The following TRIM37 variants were observed in gnomAD, a reference collection of about 807,000 sequenced individuals.
TRIM37 encodes E3 ubiquitin-protein ligase TRIM37.
TRIM37 carries 80 observed loss-of-function variants against 129.8 expected under a neutral mutation model. That is an observed-to-expected ratio of 0.62 (90% CI 0.51 to 0.74). The LOEUF (loss-of-function observed/expected upper bound fraction) is 0.74, where lower values mean the gene tolerates loss of function less well. Among genes scored for constraint, TRIM37 ranks in the 30% least tolerant of loss-of-function variants. The probability of loss-of-function intolerance (pLI) is 0.00; values close to 1 mark genes in which losing one functional copy is unlikely to be tolerated. For synonymous variants in TRIM37, 389 were observed against 387.1 expected, an observed-to-expected ratio of 1.00 and a Z score of -0.06; for missense variants, 1,054 against 1,176.5, an observed-to-expected ratio of 0.90 and a Z score of 1.52.
chr17:59,058,110 C>T (rs1362907841), intron 12 of TRIM37, among the ~76,000 whole-genome samples: 1 of 151,982 alleles, frequency 6.6e-6, no homozygotes, highest in African/African-American at 2.4e-5. Context: ...CTGTATTTTG[C>T]CAGTACAAGT....
At position 59,056,647 on chromosome 17, in the gene TRIM37, G is replaced by A. The variant is rs112491950; in HGVS notation, c.1199+228C>T. On this transcript the variant is annotated intron_variant, in intron 13 of 23. Coordinates refer to ENST00000262294, the MANE Select transcript of TRIM37 (RefSeq NM_015294.6). The stretch of plus-strand genomic sequence containing the variant: ...CGGGAGGCTGAGGCAGGAGAATGGC[G>A]TGAACCCGGGAGGCGGAGCTTGTAG... Among the ~76,000 whole-genome samples the A allele has an allele frequency of 7.9e-5, 11 of 139,522 alleles. No homozygotes were observed. The South Asian group carries it at 1.2e-3, about 15-fold the overall frequency. 91.5% of individuals were successfully genotyped at this position (139,522 alleles called of 152,430 possible). A position where few individuals can be genotyped will look rare whatever the true frequency, so the allele number is the denominator to read the frequency against.
At chr17:59,095,599 T>C (rs1459014359) in intron 2 of TRIM37, among the ~76,000 whole-genome samples, 1 of 152,220 alleles carries the variant, frequency 6.6e-6, no homozygotes, top group Non-Finnish European at 1.5e-5. Context: ...GCAAGGAAAC[T>C]AGGAGGCCGA....
At chr17:59,032,117 T>C (rs1267110886) in intron 17 of TRIM37, 27 bp from the exon 18 acceptor site, 9 of 1,606,908 alleles carry the variant, frequency 5.6e-6, no homozygotes, top group South Asian at 1.1e-5. Flanking sequence ...GAAAATGATA[T>C]ATATATGCAC....
At chr17:59,081,964 A>AAAATAATAATAAT (rs1568200247) in intron 5 of TRIM37, among the ~76,000 whole-genome samples, 14 of 87,188 alleles carry the variant, frequency 1.6e-4, no homozygotes, top group African/African-American at 6.1e-4. Context: ...AAAAAAAAAA[A>AAAATAATAATAAT]AATAATAATA....
intron 19 of TRIM37, among the ~76,000 whole-genome samples, chr17:59,026,961 C>T (rs1598981003): frequency 6.6e-6 from 1 of 152,262 alleles, no homozygotes; most frequent in East Asian, 1.9e-4. Flanking sequence ...CCTTTGCTGG[C>T]CTCTCCTATT....
chr17:59,057,191 AT>A, intron 12 of TRIM37, 137 bp from the exon 13 acceptor site: 1 of 761,746 alleles, frequency 1.3e-6, no homozygotes, highest in Non-Finnish European at 2.1e-6. Context: ...TTCTTTTATC[AT>A]TTATAAAAAC....
chr17:59,031,501 A>C (rs2037839354), intron 18 of TRIM37, among the ~76,000 whole-genome samples: 1 of 152,274 alleles, frequency 6.6e-6, no homozygotes, highest in South Asian at 2.1e-4. Context: ...TTTTTAAGCT[A>C]CTGAACATCA....
At chr17:59,072,726 C>T (rs958015182) in intron 8 of TRIM37, among the ~76,000 whole-genome samples, 1 of 147,354 alleles carries the variant, frequency 6.8e-6, no homozygotes, top group Non-Finnish European at 1.5e-5. Flanking sequence ...CCAGCGTGGG[C>T]GACAAGGCAA....
intron 5 of TRIM37, among the ~76,000 whole-genome samples, chr17:59,083,375 T>C (rs1599440069): frequency 6.6e-6 from 1 of 150,640 alleles, no homozygotes; most frequent in South Asian, 2.1e-4. Context: ...GAGGCGGAGG[T>C]TGCAGTGAGC....
At position 59,081,235 on chromosome 17, in the gene TRIM37, T is replaced by C. The variant is rs780376867; in HGVS notation, c.370-16A>G. On this transcript the variant is annotated splice_polypyrimidine_tract_variant and intron_variant, in intron 5 of 23. Transcript: ENST00000262294. ...GTCCGCCATGCTATTTAAATTAGAG[T>C]AGCTTTAGAACACTTTCACATATCT... The C allele has an allele frequency of 6.2e-7, 1 of 1,610,862 alleles. No individual in the cohort carries two copies. The highest frequency in any genetic ancestry group is 2.2e-5 in the East Asian group (1 of 44,660).
Position 59,057,058 on chromosome 17 carries a change from A to T in TRIM37, c.1020-4T>A. 1.2e-6 allele frequency: 2 copies of T among 1,613,346 alleles called. No individual in the cohort carries two copies. The highest frequency in any genetic ancestry group is 1.7e-6 in the Non-Finnish European group (2 of 1,179,544). On this transcript the variant is annotated splice_region_variant and splice_polypyrimidine_tract_variant and intron_variant, in intron 12 of 23. Transcript: ENST00000262294. ...CATCTCTACACGATATTCATATCTA[A>T]AATTGAAAAACAGACCATTACTATA...
chr17:59,022,090 T>C lies in TRIM37; in HGVS notation c.2258-4666A>G, dbSNP rs183307140. ...ATATAGTTAAAATAATTTTATAGCA[T>C]AGAAAAGGACAAAAACATCTGAATT... On this transcript the variant is annotated intron_variant, in intron 19 of 23. Transcript: ENST00000262294. Among the ~76,000 whole-genome samples the C allele has an allele frequency of 3.3e-3, 500 of 152,164 alleles. 3 individuals are homozygous for C. The highest frequency in any genetic ancestry group is 5.3e-3 in the Non-Finnish European group (357 of 67,976).
intron 24 of TRIM37, among the ~76,000 whole-genome samples, chr17:58,988,687 C>CAG (rs751696422): frequency 5.3e-5 from 8 of 152,152 alleles, no homozygotes; most frequent in South Asian, 2.1e-4. Flanking sequence ...GCAACGGAAG[C>CAG]AGAGAGAGAG....
intron 24 of TRIM37, among the ~76,000 whole-genome samples, chr17:58,990,281 A>G (rs1049874319): frequency 1.2e-4 from 18 of 150,140 alleles, no homozygotes. Context: ...ACTTGAGGCC[A>G]GGAGCTTGAA....
chr17:59,012,317 T>A lies in TRIM37; in HGVS notation c.2695+11A>T, dbSNP rs1215977068. On this transcript the variant is annotated intron_variant, in intron 22 of 23. Coordinates refer to ENST00000262294, the MANE Select transcript of TRIM37 (RefSeq NM_015294.6). The stretch of plus-strand genomic sequence containing the variant: ...CATTTCCTGCTTACTTATAAGTTTA[T>A]CATTCCTTACCTTCTTCAGGGGCAG... 6.4e-7 allele frequency: 1 copy of A among 1,573,038 alleles called. No homozygotes were observed. The highest frequency in any genetic ancestry group is 1.7e-5 in the Admixed American group (1 of 59,822).
chr17:59,029,258 TC>T (rs1191321981), intron 18 of TRIM37, among the ~76,000 whole-genome samples: 2 of 152,134 alleles, frequency 1.3e-5, no homozygotes, highest in African/African-American at 4.8e-5. Context: ...TGACACCCTA[TC>T]TGTACAAAAA....
At chr17:58,969,792 G>A in the TRIM37 span, 1 of 1,447,322 alleles carries the variant, frequency 6.9e-7, no homozygotes, top group Non-Finnish European at 9.5e-7. Context: ...GGTCTGTGTG[G>A]TTAAAGGGCT....
chr17:59,047,241 C>T (rs746511066), intron 16 of TRIM37, among the ~76,000 whole-genome samples: 9 of 151,808 alleles, frequency 5.9e-5, no homozygotes, highest in Non-Finnish European at 1.2e-4. Flanking sequence ...TGACAAAGGA[C>T]ATTACTGGCA....
downstream of TRIM37, chr17:58,998,176 C>G: frequency 1.4e-5 from 14 of 980,948 alleles, no homozygotes; most frequent in Non-Finnish European, 1.7e-5. Context: ...GTTTCTGGTC[C>G]CAATTTAATA....
Sources: allele counts gnomAD v4.1 joint callset (sites outside exome capture counted in the v4.1 genomes callset), GRCh38; gene constraint gnomAD v4.1.1; transcripts MANE v1.5; gene names NCBI Gene and HGNC (gene_info 2026-07-23, HGNC 2026-07-21).